ADAM19: variants seen among roughly 807,000 people sequenced by gnomAD.
The protein encoded by ADAM19 is disintegrin and metalloproteinase domain-containing protein 19.
ADAM19 carries 65 observed loss-of-function variants against 114.7 expected under a neutral mutation model. That is an observed-to-expected ratio of 0.57 (90% CI 0.46 to 0.70). The LOEUF (loss-of-function observed/expected upper bound fraction) is 0.70. Ranked by LOEUF, ADAM19 falls within the 30% of genes least tolerant of loss-of-function variation. The pLI, the probability that ADAM19 is intolerant of heterozygous loss-of-function variation, is 0.00. For missense variants in ADAM19, 1,063 were observed against 1,204.7 expected, an observed-to-expected ratio of 0.88 and a Z score of 1.74; for synonymous variants, 466 against 460.5, an observed-to-expected ratio of 1.01 and a Z score of -0.15.
chr5:157,502,993 A>G lies in ADAM19; in HGVS notation c.1131-13T>C. The G allele has an allele frequency of 6.2e-7, 1 of 1,609,492 alleles. No individual in the cohort carries two copies. The highest frequency in any genetic ancestry group is 1.1e-5 in the South Asian group (1 of 90,996). On this transcript the variant is annotated splice_polypyrimidine_tract_variant and intron_variant, in intron 11 of 22. Coordinates refer to ENST00000257527, the MANE Select transcript of ADAM19 (RefSeq NM_033274.5). Reference sequence around the variant, plus strand: ...GGGAAAGGGGTGCCTGGCAGAGGACAAGGCTGGAATTAGTGGGGAGTTTGA... The same window carrying G: ...GGGAAAGGGGTGCCTGGCAGAGGACGAGGCTGGAATTAGTGGGGAGTTTGA...
chr5:157,501,230 C>A (rs952373291), intron 12 of ADAM19, among the ~76,000 whole-genome samples: 55 of 152,102 alleles, frequency 3.6e-4, no homozygotes, highest in African/African-American at 1.3e-3. Flanking sequence ...GGCACAGGCT[C>A]CCCTTCCACC....
chr5:157,490,452 C>T lies in ADAM19; in HGVS notation c.2098G>A (p.Val700Met), dbSNP rs147449589. 5 of 1,613,846 alleles carry T rather than the reference C, an allele frequency of 3.1e-6. No homozygotes were observed. In the African/African-American group the frequency reaches 5.3e-5, roughly 17 times the overall value. ...IDSGPMPPES[V>M]GPVVAGVLVA... ...AACACTCCAGCTACCACAGGACCCA[C>T]ACCTTCCAGAAACAGAACCCAAGTG... Residue 700 changes from valine to methionine, a missense_variant and splice_region_variant, in exon 19 of 23, where the codon GTG becomes ATG. By Grantham distance (21) the Val-to-Met change is conservative. Transcript: ENST00000257527.
intron 1 of ADAM19, among the ~76,000 whole-genome samples, chr5:157,572,669 T>C (rs569028057): frequency 2.0e-5 from 3 of 152,378 alleles, no homozygotes; most frequent in South Asian, 2.1e-4. Flanking sequence ...TGCATTCATA[T>C]ATTTATCAAA....
At chr5:157,521,981 A>G (rs563781191) in intron 5 of ADAM19, among the ~76,000 whole-genome samples, 2 of 152,236 alleles carry the variant, frequency 1.3e-5, no homozygotes, top group Non-Finnish European at 2.9e-5. Flanking sequence ...GGAATCAGGG[A>G]AAGTTCCAAT....
intron 3 of ADAM19, among the ~76,000 whole-genome samples, chr5:157,548,813 AG>A (rs911456024): frequency 6.6e-6 from 1 of 152,182 alleles, no homozygotes; most frequent in Admixed American, 6.5e-5. Context: ...CCAACCACAA[AG>A]GGTAAAGAGT....
At chr5:157,559,266 C>T (rs1034091954) in intron 3 of ADAM19, among the ~76,000 whole-genome samples, 2 of 152,196 alleles carry the variant, frequency 1.3e-5, no homozygotes, top group Non-Finnish European at 2.9e-5. Context: ...GACCAAAGGA[C>T]GTCTCTCCCT....
At chr5:157,571,067 G>A (rs1323243886) in intron 1 of ADAM19, 87 bp from the exon 2 acceptor site, 11 of 1,107,280 alleles carry the variant, frequency 9.9e-6, no homozygotes, top group Non-Finnish European at 1.5e-5. Context: ...AGCTGCCCCT[G>A]CACTGGGTCA....
chr5:157,515,707 A>C (rs1362140863), intron 7 of ADAM19, among the ~76,000 whole-genome samples: 1 of 152,214 alleles, frequency 6.6e-6, no homozygotes, highest in African/African-American at 2.4e-5. Flanking sequence ...AGGGTGACAC[A>C]GTGAGTACCA....
At chr5:157,516,575 G>A (rs1473782086) in intron 7 of ADAM19, among the ~76,000 whole-genome samples, 1 of 152,160 alleles carries the variant, frequency 6.6e-6, no homozygotes, top group Non-Finnish European at 1.5e-5. Flanking sequence ...GGCCAAAGGG[G>A]AGAAACACCC....
intron 3 of ADAM19, among the ~76,000 whole-genome samples, chr5:157,541,764 A>G (rs1400445735): frequency 6.6e-6 from 1 of 152,206 alleles, no homozygotes; most frequent in Non-Finnish European, 1.5e-5. Context: ...ATCGTCAGAC[A>G]AATTTCAAAT....
rs1477571154 is a variant in ADAM19, at chr5:157,569,012, G to C, written c.180+1883C>G. Reference sequence around the variant, plus strand: ...GGCATCCACATCTGGAGAGAACAAAGAAGCCTCTATAAAAAGTAGCAGGTC... The same window carrying C: ...GGCATCCACATCTGGAGAGAACAAACAAGCCTCTATAAAAAGTAGCAGGTC... On this transcript the variant is annotated intron_variant, in intron 2 of 22. Transcript: ENST00000257527. 8 of 152,140 alleles carry C rather than the reference G, an allele frequency of 5.3e-5. No homozygotes were observed. In the South Asian group the frequency reaches 8.3e-4, roughly 16 times the overall value. The allele number at this position is 152,140 out of a possible 1,614,324, so 9.4% of individuals were successfully genotyped here. A position where few individuals can be genotyped will look rare whatever the true frequency, so the allele number is the denominator to read the frequency against.
intron 7 of ADAM19, among the ~76,000 whole-genome samples, chr5:157,518,533 T>C (rs555427393): frequency 3.7e-4 from 56 of 152,292 alleles, no homozygotes; most frequent in African/African-American, 1.3e-3. Context: ...TACAGGCATG[T>C]GCCACCATGC....
intron 3 of ADAM19, among the ~76,000 whole-genome samples, chr5:157,556,160 C>T (rs548622814): frequency 4.5e-4 from 68 of 150,676 alleles, no homozygotes; most frequent in African/African-American, 1.6e-3. Flanking sequence ...TTCTTTACTG[C>T]AACCTGTTTT....
rs927080227 is a variant in ADAM19, at chr5:157,524,046, G to A, written c.408-4015C>T. 4.6e-5 allele frequency among the ~76,000 whole-genome samples: 7 copies of A among 152,212 alleles called. No individual in the cohort carries two copies. The East Asian group carries it at 7.7e-4, about 17-fold the overall frequency. On this transcript the variant is annotated intron_variant, in intron 5 of 22. Transcript: ENST00000257527. ...TGTCACGACTGCAATCCTCTCAGACGGCCTGGGGATGGAGGAGAGGCTGGC... is the reference window on the plus strand; with the variant it reads ...TGTCACGACTGCAATCCTCTCAGACAGCCTGGGGATGGAGGAGAGGCTGGC...
At position 157,530,868 on chromosome 5, in the gene ADAM19, G is replaced by A. The variant is rs1756605582; in HGVS notation, c.346C>T (p.His116Tyr). 2.5e-6 allele frequency: 4 copies of A among 1,614,130 alleles called. No homozygotes were observed. Among genetic ancestry groups the A allele is most frequent in the Non-Finnish European group, 3.4e-6 (4 of 1,180,000 alleles). ...AGTTCTGTCTCCCTCACCGTGCCGT[G>A]GTAAAAGCAGTGATCCTAGCAAGGA... is the stretch of plus-strand genomic sequence containing the variant. ...TRKLEDHCFYHGTVRETELSS... is the reference protein window; with the variant it reads ...TRKLEDHCFYYGTVRETELSS... The change falls in exon 5 of 23, where the codon CAC (histidine) becomes TAC (tyrosine). Residue 116 changes from histidine to tyrosine, a missense_variant. Transcript: ENST00000257527.
chr5:157,530,824 G>A lies in ADAM19; in HGVS notation c.390C>T (p.Ser130=). 1 of 1,614,166 alleles carries A rather than the reference G, an allele frequency of 6.2e-7. No individual in the cohort carries two copies. Among genetic ancestry groups the A allele is most frequent in the Non-Finnish European group, 8.5e-7 (1 of 1,180,018 alleles). The change falls in exon 5 of 23, where the codon AGC becomes AGT. Residue 130 remains serine, a synonymous_variant. Transcript: ENST00000257527. ...RETELSSVTL[S]TCRGIRGLIT... is the part of the protein sequence containing the mutation. Reference sequence around the variant, plus strand: ...TCTCTTACCTAATTCCTCGGCAAGTGCTGAGCGTGACGCTGGACAGTTCTG... The same window carrying A: ...TCTCTTACCTAATTCCTCGGCAAGTACTGAGCGTGACGCTGGACAGTTCTG...
intron 7 of ADAM19, among the ~76,000 whole-genome samples, chr5:157,516,397 C>A (rs890470167): frequency 6.6e-6 from 1 of 152,178 alleles, no homozygotes; most frequent in African/African-American, 2.4e-5. Context: ...CCTGGAGGCA[C>A]CTTGAGTGGA....
chr5:157,537,168 G>A (rs548116218), intron 4 of ADAM19, among the ~76,000 whole-genome samples: 7 of 152,248 alleles, frequency 4.6e-5, no homozygotes, highest in African/African-American at 1.2e-4. Flanking sequence ...CCTCGGGGTC[G>A]GGGCAACGCC....
intron 11 of ADAM19, 34 bp from the exon 12 acceptor site, chr5:157,503,014 T>A (rs375849700): frequency 6.3e-7 from 1 of 1,596,528 alleles, no homozygotes; most frequent in South Asian, 1.1e-5. Context: ...TAGTGGGGAG[T>A]TTGAGCATCT....
Sources: gnomAD v4.1 joint callset for allele counts (sites outside exome capture counted in the v4.1 genomes callset) on GRCh38, gnomAD v4.1.1 for gene constraint, MANE v1.5 for transcripts, NCBI Gene and HGNC (gene_info 2026-07-23, HGNC 2026-07-21) for gene names.